Variants in ARHGAP6 observed in about 807,000 individuals in gnomAD.
ARHGAP6 encodes the protein rho GTPase-activating protein 6.
In ARHGAP6, 16 loss-of-function variants were observed where a neutral mutation model predicts 55.7. The observed-to-expected ratio is 0.29, with a 90% confidence interval of 0.19 to 0.44. The LOEUF is 0.44. Among genes scored for constraint, ARHGAP6 ranks in the 20% least tolerant of loss-of-function variants. The pLI is 1.00. For missense variants in ARHGAP6, 698 were observed against 808.9 expected, an observed-to-expected ratio of 0.86 and a Z score of 1.66; for synonymous variants, 382 against 360.9, an observed-to-expected ratio of 1.06 and a Z score of -0.66.
intron 1 of ARHGAP6, among the ~76,000 whole-genome samples, chrX:11,627,771 C>T (rs2052315384): frequency 9.0e-6 from 1 of 111,613 alleles, no homozygotes; most frequent in African/African-American, 3.2e-5. Flanking sequence ...AGATAAAATG[C>T]AATTACTAAT....
At chrX:11,412,675 G>A (rs753946698) in intron 1 of ARHGAP6, among the ~76,000 whole-genome samples, 70 of 112,056 alleles carry the variant, frequency 6.2e-4, no homozygotes, top group Non-Finnish European at 7.9e-4. Context: ...TTGTACAGCT[G>A]CAACAAAATA....
At chrX:11,539,845 C>T (rs1050358345) in intron 1 of ARHGAP6, among the ~76,000 whole-genome samples, 2 of 111,731 alleles carry the variant, frequency 1.8e-5, no homozygotes, top group South Asian at 7.5e-4. Flanking sequence ...CTCTTTTGAA[C>T]CTATTTAGAA....
chrX:11,409,106 A>G (rs1339230040), intron 1 of ARHGAP6, among the ~76,000 whole-genome samples: 1 of 111,406 alleles, frequency 9.0e-6, no homozygotes, highest in Non-Finnish European at 1.9e-5. Flanking sequence ...TCAGTCTGCT[A>G]CTTTCTTCAC....
At chrX:11,221,834 A>G (rs976354108) in intron 2 of ARHGAP6, among the ~76,000 whole-genome samples, 3 of 111,170 alleles carry the variant, frequency 2.7e-5, no homozygotes, top group African/African-American at 9.8e-5. Context: ...TTTGTTACCT[A>G]GGTTATAGCA....
intron 1 of ARHGAP6, among the ~76,000 whole-genome samples, chrX:11,465,171 G>T (rs1261909928): frequency 8.9e-6 from 1 of 111,885 alleles, no homozygotes; most frequent in African/African-American, 3.2e-5. Flanking sequence ...TTAAATAAAA[G>T]AATAATGATA....
intron 1 of ARHGAP6, among the ~76,000 whole-genome samples, chrX:11,536,515 C>A (rs975622217): frequency 1.2e-4 from 13 of 112,100 alleles, no homozygotes; most frequent in African/African-American, 4.2e-4. Context: ...TACTTTTATT[C>A]TCCAAATAAA....
chrX:11,363,492 G>C (rs767143724), intron 1 of ARHGAP6, among the ~76,000 whole-genome samples: 2 of 111,893 alleles, frequency 1.8e-5, no homozygotes, highest in Non-Finnish European at 3.8e-5. Context: ...GAGGTGGTCT[G>C]CGCGGTCTGC....
chrX:11,540,152 G>T (rs1448193365), intron 1 of ARHGAP6, among the ~76,000 whole-genome samples: 3 of 109,287 alleles, frequency 2.7e-5, no homozygotes, highest in African/African-American at 1.0e-4. Context: ...TACTCAGGAG[G>T]CTGAGGCAGG....
intron 1 of ARHGAP6, among the ~76,000 whole-genome samples, chrX:11,339,535 T>C (rs190731458): frequency 4.5e-5 from 5 of 111,167 alleles, no homozygotes; most frequent in Non-Finnish European, 9.4e-5. Context: ...ATTTCCTCAC[T>C]AAGTCTCCCT....
intron 1 of ARHGAP6, among the ~76,000 whole-genome samples, chrX:11,449,193 G>A (rs1456314758): frequency 1.8e-5 from 2 of 111,598 alleles, no homozygotes; most frequent in Admixed American, 1.9e-4. Context: ...GAATCTATAC[G>A]TTTTATTTCC....
chrX:11,660,448 G>C (rs925962707), intron 1 of ARHGAP6, among the ~76,000 whole-genome samples: 1 of 100,213 alleles, frequency 1.0e-5, no homozygotes, highest in Non-Finnish European at 2.0e-5. Flanking sequence ...CAGGAGAATC[G>C]CTTGAACATG....
intron 1 of ARHGAP6, among the ~76,000 whole-genome samples, chrX:11,566,560 T>A (rs2051443443): frequency 8.9e-6 from 1 of 112,492 alleles, no homozygotes. Context: ...TCACTTAAAC[T>A]CTTCTGGAAC....
chrX:11,489,921 G>C (rs747703574), intron 1 of ARHGAP6, among the ~76,000 whole-genome samples: 12 of 111,531 alleles, frequency 1.1e-4, no homozygotes, highest in African/African-American at 3.9e-4. Flanking sequence ...AGGTAATCAG[G>C]AAGCATGTGA....
intron 1 of ARHGAP6, among the ~76,000 whole-genome samples, chrX:11,282,550 T>G (rs903976916): frequency 1.8e-5 from 2 of 112,368 alleles, no homozygotes; most frequent in African/African-American, 6.5e-5. Flanking sequence ...CAACTTCTCA[T>G]ATACAGTAAA....
chrX:11,572,876 C>T (rs1008710523), intron 1 of ARHGAP6, among the ~76,000 whole-genome samples: 1 of 111,717 alleles, frequency 9.0e-6, no homozygotes, highest in African/African-American at 3.3e-5. Context: ...TTAATGATTG[C>T]CATTGTAACT....
intron 1 of ARHGAP6, among the ~76,000 whole-genome samples, chrX:11,451,196 A>G (rs778917905): frequency 8.9e-6 from 1 of 112,262 alleles, no homozygotes; most frequent in South Asian, 3.7e-4. Flanking sequence ...TTGCAGGAAT[A>G]AAATGCAGCT....
At chrX:11,217,067 A>G (rs766095221) in intron 2 of ARHGAP6, among the ~76,000 whole-genome samples, 2 of 112,270 alleles carry the variant, frequency 1.8e-5, no homozygotes, top group Middle Eastern at 4.6e-3. Flanking sequence ...ATGGCTGCAT[A>G]GTATTCCATG....
chrX:11,643,913 C>T (rs955577461), intron 1 of ARHGAP6, among the ~76,000 whole-genome samples: 46 of 110,486 alleles, frequency 4.2e-4, no homozygotes, highest in Admixed American at 4.0e-3. Context: ...GCTAGCTGAC[C>T]GCATATGCAT....
At chrX:11,327,130 A>G (rs900870450) in intron 1 of ARHGAP6, among the ~76,000 whole-genome samples, 2 of 112,311 alleles carry the variant, frequency 1.8e-5, no homozygotes, top group African/African-American at 6.5e-5. Flanking sequence ...AAAGTTTCCT[A>G]TGTGTTTAAT....
Sources: allele counts gnomAD v4.1 joint callset (sites outside exome capture counted in the v4.1 genomes callset), GRCh38; gene constraint gnomAD v4.1.1; transcripts MANE v1.5; gene names NCBI Gene and HGNC (gene_info 2026-07-23, HGNC 2026-07-21).